The following CSNK2A2IP variants were observed in gnomAD, a reference collection of about 807,000 sequenced individuals.
The protein encoded by CSNK2A2IP is casein kinase 2 subunit alpha' interacting protein, also known as casein kinase II subunit alpha'-interacting protein.
the CSNK2A2IP span, among the ~76,000 whole-genome samples, chr3:88,444,039 T>C: frequency 6.6e-6 from 1 of 152,096 alleles, no homozygotes; most frequent in Non-Finnish European, 1.5e-5. Flanking sequence ...TCACAGATAA[T>C]ATTTTTAAAA....
chr3:88,343,340 T>C, the CSNK2A2IP span: 1 of 152,030 alleles, frequency 6.6e-6, no homozygotes, highest in Non-Finnish European at 1.5e-5. Flanking sequence ...CTATGTCCCT[T>C]TTTGCGGTAC....
At chr3:88,373,937 C>G in the CSNK2A2IP span, among the ~76,000 whole-genome samples, 3 of 151,320 alleles carry the variant, frequency 2.0e-5, no homozygotes, top group Non-Finnish European at 3.0e-5. Context: ...CCTAATAGTC[C>G]TGTATTAATA....
the CSNK2A2IP span, among the ~76,000 whole-genome samples, chr3:88,459,204 C>G: frequency 2.0e-5 from 3 of 152,094 alleles, no homozygotes; most frequent in Non-Finnish European, 4.4e-5. Flanking sequence ...AAAACTGTGA[C>G]CTTTCCTGGA....
chr3:88,362,827 TC>T, the CSNK2A2IP span, among the ~76,000 whole-genome samples: 1 of 152,194 alleles, frequency 6.6e-6, no homozygotes, highest in Non-Finnish European at 1.5e-5. Flanking sequence ...TGAGCTGGCA[TC>T]AAAGTTGCAA....
At chr3:88,464,160 T>G in the CSNK2A2IP span, among the ~76,000 whole-genome samples, 1 of 123,532 alleles carries the variant, frequency 8.1e-6, no homozygotes, top group Non-Finnish European at 1.7e-5. Flanking sequence ...CCGGGGACTG[T>G]TGTGGTGTGG....
the CSNK2A2IP span, among the ~76,000 whole-genome samples, chr3:88,396,400 C>T: frequency 9.2e-3 from 1,398 of 152,188 alleles, 23 homozygotes; most frequent in African/African-American, 0.031. Flanking sequence ...CCACCGCGCC[C>T]GGCCGACTAC....
chr3:88,341,972 A>G, the CSNK2A2IP span, among the ~76,000 whole-genome samples: 1 of 151,992 alleles, frequency 6.6e-6, no homozygotes, highest in South Asian at 2.1e-4. Context: ...AGGTATTATT[A>G]AATCTAAGTC....
At chr3:88,461,006 G>C in the CSNK2A2IP span, among the ~76,000 whole-genome samples, 1 of 151,846 alleles carries the variant, frequency 6.6e-6, no homozygotes, top group Non-Finnish European at 1.5e-5. Flanking sequence ...AGAATTGCTG[G>C]AACCCAGGTG....
the CSNK2A2IP span, among the ~76,000 whole-genome samples, chr3:88,459,699 T>C: frequency 6.6e-6 from 1 of 152,134 alleles, no homozygotes; most frequent in African/African-American, 2.4e-5. Context: ...CTTTCATATG[T>C]TTGTTATCAT....
chr3:88,461,671 C>A, the CSNK2A2IP span, among the ~76,000 whole-genome samples: 11 of 151,718 alleles, frequency 7.3e-5, no homozygotes, highest in Non-Finnish European at 1.5e-4. Context: ...AATCTGTATA[C>A]TCACCAATTA....
the CSNK2A2IP span, among the ~76,000 whole-genome samples, chr3:88,464,288 A>G: frequency 5.8e-4 from 88 of 150,706 alleles, no homozygotes; most frequent in African/African-American, 1.9e-3. Flanking sequence ...TGTTGTGCAC[A>G]TGTACCTTAA....
the CSNK2A2IP span, chr3:88,465,231 A>G: frequency 2.1e-6 from 1 of 484,230 alleles, no homozygotes; most frequent in Non-Finnish European, 3.3e-6. Context: ...GAAATATTGC[A>G]AGATAAAAGC....
At chr3:88,446,860 A>G in the CSNK2A2IP span, among the ~76,000 whole-genome samples, 4 of 152,354 alleles carry the variant, frequency 2.6e-5, no homozygotes, top group Admixed American at 2.6e-4. Flanking sequence ...GGTCCTTATA[A>G]TTAACATAAT....
chr3:88,428,008 C>A, the CSNK2A2IP span, among the ~76,000 whole-genome samples: 453 of 152,252 alleles, frequency 3.0e-3, 6 homozygotes, highest in African/African-American at 0.011. Context: ...TCACTGCCAG[C>A]CTGTAAAAGC....
At chr3:88,416,727 C>T in the CSNK2A2IP span, among the ~76,000 whole-genome samples, 6 of 152,146 alleles carry the variant, frequency 3.9e-5, no homozygotes, top group African/African-American at 9.7e-5. Context: ...TCTATAAATC[C>T]TACCCCATTA....
chr3:88,443,279 A>G, the CSNK2A2IP span, among the ~76,000 whole-genome samples: 1 of 152,184 alleles, frequency 6.6e-6, no homozygotes, highest in African/African-American at 2.4e-5. Flanking sequence ...AAACATCTGG[A>G]TTTTACCTCA....
the CSNK2A2IP span, among the ~76,000 whole-genome samples, chr3:88,401,541 ACAAGTTGTG>A: frequency 2.0e-5 from 3 of 152,252 alleles, no homozygotes; most frequent in African/African-American, 7.2e-5. Flanking sequence ...TTAATTCGGA[ACAAGTTGTG>A]CTGCTACTAC....
chr3:88,347,880 G>A, the CSNK2A2IP span, among the ~76,000 whole-genome samples: 1 of 151,804 alleles, frequency 6.6e-6, no homozygotes, highest in South Asian at 2.1e-4. Flanking sequence ...TGAAATACAG[G>A]AGATACATGT....
chr3:88,397,317 T>G, the CSNK2A2IP span, among the ~76,000 whole-genome samples: 14 of 152,330 alleles, frequency 9.2e-5, no homozygotes, highest in African/African-American at 3.4e-4. Flanking sequence ...TTTCCAGTTT[T>G]GTCAGTTTTC....
Sources: allele counts gnomAD v4.1 joint callset (sites outside exome capture counted in the v4.1 genomes callset), GRCh38; gene constraint gnomAD v4.1.1; transcripts MANE v1.5; gene names NCBI Gene and HGNC (gene_info 2026-07-23, HGNC 2026-07-21).